ZMAT4: variants seen among roughly 807,000 people sequenced by gnomAD.
The protein encoded by ZMAT4 is zinc finger matrin-type protein 4.
Under a neutral mutation model 28.7 loss-of-function variants are expected in ZMAT4, and 17 were observed. The ratio of observed to expected loss-of-function variants is 0.59; its 90% CI spans 0.41 to 0.89. The LOEUF is 0.89. Among genes scored for constraint, ZMAT4 ranks in the 40% least tolerant of loss-of-function variants. The pLI is 0.00. For synonymous variants in ZMAT4, 117 were observed against 109.2 expected (o/e 1.07, Z -0.44); for missense variants, 240 against 283.8 (o/e 0.85, Z 1.11).
chr8:40,589,184 A>G (rs1804768802), intron 5 of ZMAT4, among the ~76,000 whole-genome samples: 1 of 152,150 alleles, frequency 6.6e-6, no homozygotes, highest in African/African-American at 2.4e-5. Flanking sequence ...CCATTTACTC[A>G]TTTACTCTTT....
chr8:40,695,990 G>A (rs778928377), intron 4 of ZMAT4, among the ~76,000 whole-genome samples: 2 of 151,920 alleles, frequency 1.3e-5, no homozygotes, highest in Non-Finnish European at 2.9e-5. Flanking sequence ...TTTTTGAGGT[G>A]TCTATTTTAA....
intron 2 of ZMAT4, among the ~76,000 whole-genome samples, chr8:40,795,623 G>A (rs546566699): frequency 4.6e-5 from 7 of 152,168 alleles, no homozygotes; most frequent in Non-Finnish European, 8.8e-5. Flanking sequence ...CAGTGGAGTG[G>A]AGTATTGATT....
At chr8:40,578,565 A>C (rs1804345470) in intron 6 of ZMAT4, among the ~76,000 whole-genome samples, 1 of 152,202 alleles carries the variant, frequency 6.6e-6, no homozygotes. Context: ...AACAGACAAA[A>C]GAATTGAACA....
chr8:40,832,305 T>A (rs1816311474), intron 1 of ZMAT4, among the ~76,000 whole-genome samples: 1 of 152,208 alleles, frequency 6.6e-6, no homozygotes, highest in Non-Finnish European at 1.5e-5. Context: ...CTTTTCTGTG[T>A]TTGCCTGAAC....
At chr8:40,735,195 T>C (rs1475204223) in intron 3 of ZMAT4, among the ~76,000 whole-genome samples, 1 of 152,220 alleles carries the variant, frequency 6.6e-6, no homozygotes, top group East Asian at 1.9e-4. Context: ...TAAGGAGGAA[T>C]CTTTGGTGGT....
At chr8:40,636,916 A>G (rs1301893839) in intron 5 of ZMAT4, among the ~76,000 whole-genome samples, 1 of 152,164 alleles carries the variant, frequency 6.6e-6, no homozygotes, top group African/African-American at 2.4e-5. Flanking sequence ...AGGGAGTCAC[A>G]ATACCTATTT....
intron 3 of ZMAT4, among the ~76,000 whole-genome samples, chr8:40,765,215 A>G (rs1813100704): frequency 1.3e-5 from 2 of 152,178 alleles, no homozygotes; most frequent in Admixed American, 1.3e-4. Flanking sequence ...TATTCTCCAG[A>G]CAACGTCTTT....
chr8:40,839,154 C>A (rs941388547), intron 1 of ZMAT4, among the ~76,000 whole-genome samples: 1 of 152,152 alleles, frequency 6.6e-6, no homozygotes, highest in Non-Finnish European at 1.5e-5. Flanking sequence ...ACCAAAAACA[C>A]CTTTTTAAGC....
intron 5 of ZMAT4, among the ~76,000 whole-genome samples, chr8:40,639,334 G>A (rs962702371): frequency 6.6e-6 from 1 of 152,126 alleles, no homozygotes; most frequent in African/African-American, 2.4e-5. Context: ...GATGGTCTGT[G>A]AAATGGCAAA....
chr8:40,631,931 A>G (rs1243693645), intron 5 of ZMAT4, among the ~76,000 whole-genome samples: 1 of 152,202 alleles, frequency 6.6e-6, no homozygotes, highest in Admixed American at 6.5e-5. Flanking sequence ...AAACCTCTCA[A>G]GTCAATATTG....
In ZMAT4 at chr8:40,793,697, G is replaced by A. The variant is rs185307610; in HGVS notation, c.103-25967C>T. Among the ~76,000 whole-genome samples the A allele has an allele frequency of 3.2e-3, 481 of 152,282 alleles. 4 individuals are homozygous for A. The highest frequency in any genetic ancestry group is 0.011 in the African/African-American group (458 of 41,558). On this transcript the variant is annotated intron_variant, in intron 2 of 6. Coordinates refer to ENST00000297737, the MANE Select transcript of ZMAT4 (RefSeq NM_024645.3). ...TGTCCCCAATGTTTTCAAACCTGCT[G>A]GTCTGTGAGGACCAGAGCCACTGAT...
intron 3 of ZMAT4, among the ~76,000 whole-genome samples, chr8:40,716,011 A>T (rs1810838145): frequency 6.6e-6 from 1 of 152,380 alleles, no homozygotes; most frequent in Admixed American, 6.5e-5. Flanking sequence ...TCTGTAGAGA[A>T]GCCAATCAGA....
intron 1 of ZMAT4, among the ~76,000 whole-genome samples, chr8:40,878,737 G>A (rs550589307): frequency 1.5e-4 from 23 of 152,302 alleles, no homozygotes; most frequent in Admixed American, 7.8e-4. Flanking sequence ...CGCAAGGTGC[G>A]GCAGGTGAGA....
chr8:40,667,151 T>G (rs1808450708), intron 5 of ZMAT4, among the ~76,000 whole-genome samples: 1 of 151,930 alleles, frequency 6.6e-6, no homozygotes, highest in Non-Finnish European at 1.5e-5. Context: ...TTTTTTATTT[T>G]TTTTATTTTT....
intron 6 of ZMAT4, among the ~76,000 whole-genome samples, chr8:40,533,977 GAGTTTGAAGGACAGCATCTTCACGTAAC>G (rs1407391586): frequency 1.3e-5 from 2 of 152,132 alleles, no homozygotes; most frequent in African/African-American, 4.8e-5. Context: ...AGATTAAAAA[GAGTTTGAAGGACAGCATCTTCACGTAAC>G]AGTAAGAAGA....
intron 3 of ZMAT4, among the ~76,000 whole-genome samples, chr8:40,709,574 T>C (rs1042263972): frequency 2.0e-5 from 3 of 152,226 alleles, no homozygotes; most frequent in African/African-American, 7.2e-5. Context: ...AAATAATGTG[T>C]GACAAATTTT....
intron 3 of ZMAT4, among the ~76,000 whole-genome samples, chr8:40,749,400 A>T (rs2150544838): frequency 6.6e-6 from 1 of 152,320 alleles, no homozygotes; most frequent in African/African-American, 2.4e-5. Flanking sequence ...AAATTGACTG[A>T]GGTCATTCAG....
intron 2 of ZMAT4, among the ~76,000 whole-genome samples, chr8:40,780,219 G>T (rs763257774): frequency 5.3e-5 from 8 of 152,048 alleles, no homozygotes; most frequent in Non-Finnish European, 8.8e-5. Context: ...TAACCTACCC[G>T]ACACCATAGC....
chr8:40,827,444 T>C (rs1816103756), intron 1 of ZMAT4, among the ~76,000 whole-genome samples: 2 of 152,114 alleles, frequency 1.3e-5, no homozygotes, highest in African/African-American at 2.4e-5. Context: ...GTGGTTCACT[T>C]TAGGTGATTT....
Sources: gnomAD v4.1 joint callset for allele counts (sites outside exome capture counted in the v4.1 genomes callset) on GRCh38, gnomAD v4.1.1 for gene constraint, MANE v1.5 for transcripts, NCBI Gene and HGNC (gene_info 2026-07-23, HGNC 2026-07-21) for gene names.